Variants in MUCL1 observed in about 807,000 individuals in gnomAD.
MUCL1 encodes mucin like 1.
In MUCL1, 11 loss-of-function variants were observed where a neutral mutation model predicts 9.2. The ratio of observed to expected loss-of-function variants is 1.19; its 90% CI spans 0.75 to 1.97. MUCL1 has a LOEUF of 1.97. MUCL1 is among the 30% of genes most tolerant of loss of function. MUCL1 has a pLI of 0.00. For missense variants in MUCL1, 144 were observed against 110.9 expected, an observed-to-expected ratio of 1.30 and a Z score of -1.34; for synonymous variants, 48 against 40.5, an observed-to-expected ratio of 1.19 and a Z score of -0.71.
chr12:54,842,125 T>C (rs964391134), intron 1 of MUCL1, among the ~76,000 whole-genome samples: 2 of 152,128 alleles, frequency 1.3e-5, no homozygotes, highest in African/African-American at 4.8e-5. Flanking sequence ...AACAACATCT[T>C]TATAATATTG....
intron 1 of MUCL1, among the ~76,000 whole-genome samples, chr12:54,848,234 C>T (rs543217513): frequency 6.6e-6 from 1 of 152,172 alleles, no homozygotes; most frequent in African/African-American, 2.4e-5. Flanking sequence ...GAAGACCTCT[C>T]TTCAGGTTGG....
At chr12:54,840,594 C>G (rs12315607) in intron 1 of MUCL1, among the ~76,000 whole-genome samples, 297 of 152,250 alleles carry the variant, frequency 2.0e-3, no homozygotes, top group African/African-American at 6.8e-3. Context: ...AAGTTTCTGT[C>G]CTTTGCATTA....
upstream of MUCL1, among the ~76,000 whole-genome samples, chr12:54,851,616 TCTCA>T (rs1444320907): frequency 6.6e-6 from 1 of 152,160 alleles, no homozygotes; most frequent in Non-Finnish European, 1.5e-5. Flanking sequence ...GGATGCCCTC[TCTCA>T]CCACTCCTAT....
intron 1 of MUCL1, among the ~76,000 whole-genome samples, chr12:54,841,264 T>G (rs1317473287): frequency 6.6e-6 from 1 of 152,240 alleles, no homozygotes. Flanking sequence ...CTTAGATTGT[T>G]TTTCATGTCA....
At chr12:54,834,389 C>T (rs987626941), upstream of MUCL1, among the ~76,000 whole-genome samples, 2 of 152,018 alleles carry the variant, frequency 1.3e-5, no homozygotes, top group African/African-American at 4.8e-5. Flanking sequence ...GAATTACCTT[C>T]TGGTCTCTCT....
rs551584503 is a variant in MUCL1, at chr12:54,845,995, C to CA, written c.43+6556dup. Among the ~76,000 whole-genome samples, 116 of 151,876 alleles carry CA rather than the reference C, an allele frequency of 7.6e-4. 1 individual carries two copies. Among genetic ancestry groups the CA allele is most frequent in the African/African-American group, 2.6e-3 (107 of 41,422 alleles). On this transcript the variant is annotated intron_variant, in intron 1 of 3. Coordinates refer to the MUCL1 transcript ENST00000546809. ...CATCTCTTTTGTTTCCTTTATTCTG[C>CA]AAAAAAAACTTGTAGCTTTTTTTAT...
intron 1 of MUCL1, among the ~76,000 whole-genome samples, chr12:54,832,714 AT>A (rs1959187023): frequency 6.6e-6 from 1 of 152,028 alleles, no homozygotes; most frequent in African/African-American, 2.4e-5. Context: ...ACCCAAGAGA[AT>A]TTTTCTTTCA....
chr12:54,849,751 C>G (rs938763559), upstream of MUCL1, among the ~76,000 whole-genome samples: 5 of 152,106 alleles, frequency 3.3e-5, no homozygotes, highest in South Asian at 1.0e-3. Context: ...GGTGTTAGAT[C>G]TGAGTATATT....
chr12:54,851,469 T>G (rs924089366), upstream of MUCL1, among the ~76,000 whole-genome samples: 1 of 152,172 alleles, frequency 6.6e-6, no homozygotes, highest in African/African-American at 2.4e-5. Context: ...CCCTTCGTGC[T>G]AAAAACTCTC....
At chr12:54,851,775 C>T (rs1316923566), upstream of MUCL1, among the ~76,000 whole-genome samples, 1 of 152,022 alleles carries the variant, frequency 6.6e-6, no homozygotes, top group Non-Finnish European at 1.5e-5. Flanking sequence ...GTCTCAGCCC[C>T]AAATCTCCTT....
chr12:54,844,083 T>C (rs1204918870), intron 1 of MUCL1, among the ~76,000 whole-genome samples: 1 of 152,180 alleles, frequency 6.6e-6, no homozygotes, highest in African/African-American at 2.4e-5. Context: ...TTCTTTCTTA[T>C]ATTTTTGAGG....
intron 1 of MUCL1, among the ~76,000 whole-genome samples, chr12:54,841,860 T>A (rs957144906): frequency 4.6e-5 from 7 of 152,296 alleles, no homozygotes; most frequent in Admixed American, 4.6e-4. Flanking sequence ...GCTTTTGGTA[T>A]CATACCCAAA....
chr12:54,843,987 T>C (rs1244214283), intron 1 of MUCL1, among the ~76,000 whole-genome samples: 3 of 152,236 alleles, frequency 2.0e-5, no homozygotes, highest in African/African-American at 7.2e-5. Context: ...GGTAATGTCT[T>C]AACCTTTTTG....
upstream of MUCL1, among the ~76,000 whole-genome samples, chr12:54,836,068 T>A (rs1959192676): frequency 6.6e-6 from 1 of 152,140 alleles, no homozygotes; most frequent in Non-Finnish European, 1.5e-5. Flanking sequence ...GTCCTCTTCA[T>A]GCTTTGGTAT....
intron 1 of MUCL1, among the ~76,000 whole-genome samples, chr12:54,848,733 T>G (rs1959292933): frequency 6.6e-6 from 1 of 152,182 alleles, no homozygotes; most frequent in Non-Finnish European, 1.5e-5. Context: ...GCTTCTGGCA[T>G]AACAGTCCAG....
chr12:54,834,561 C>T (rs997137992), upstream of MUCL1, among the ~76,000 whole-genome samples: 2 of 151,738 alleles, frequency 1.3e-5, no homozygotes, highest in Non-Finnish European at 2.9e-5. Context: ...TACCACAATC[C>T]AACTAATTAG....
chr12:54,840,586 G>A (rs1053245438), intron 1 of MUCL1, among the ~76,000 whole-genome samples: 6 of 152,198 alleles, frequency 3.9e-5, no homozygotes, highest in Admixed American at 1.3e-4. Context: ...GTTTCCGCAA[G>A]TTTCTGTCCT....
chr12:54,842,716 G>A (rs527395106), intron 1 of MUCL1, among the ~76,000 whole-genome samples: 24 of 152,156 alleles, frequency 1.6e-4, no homozygotes, highest in African/African-American at 3.6e-4. Flanking sequence ...TGTTTTAGAC[G>A]TTCTATGAAT....
upstream of MUCL1, among the ~76,000 whole-genome samples, chr12:54,838,633 T>C (rs2121483589): frequency 6.6e-6 from 1 of 152,278 alleles, no homozygotes; most frequent in South Asian, 2.1e-4. Flanking sequence ...CTTTTATTTT[T>C]TTTCTTTATT....
Sources: allele counts gnomAD v4.1 joint callset (sites outside exome capture counted in the v4.1 genomes callset), GRCh38; gene constraint gnomAD v4.1.1; transcripts MANE v1.5; gene names NCBI Gene and HGNC (gene_info 2026-07-23, HGNC 2026-07-21).